The following ZNF148 variants were observed in gnomAD, a reference collection of about 807,000 sequenced individuals.
ZNF148 encodes the protein zinc finger protein 148, also known as Beta-Enolase Repressor Factor-1.
Under a neutral mutation model 67.7 loss-of-function variants are expected in ZNF148, and 7 were observed. The observed-to-expected ratio is 0.10, with a 90% CI of 0.06 to 0.19. ZNF148 has a LOEUF of 0.19. Ranked by LOEUF, ZNF148 falls within the 10% of genes least tolerant of loss-of-function variation. ZNF148 has a pLI of 1.00. For synonymous variants in ZNF148, 333 were observed against 330.7 expected (o/e 1.01, Z -0.08); for missense variants, 583 against 947.1 (o/e 0.62, Z 5.05).
Position 125,233,730 on chromosome 3 carries a change from A to C in ZNF148, c.996T>G (p.Ala332=), listed in dbSNP as rs1340847667. ...KKSSGMDKES[A]LDKSDLKKDK... ...CTTTTTTCAGGTCAGATTTGTCCAA[A>C]GCACTCTCTTTGTCCATTCCAGATG... Residue 332 remains alanine, a synonymous_variant, in exon 9 of 9, where the codon GCT becomes GCG. Transcript: ENST00000360647. This position sits in a 1 kb window ranked among gnomAD's most constrained non-coding sequence, Gnocchi z 5.1. 1.2e-6 allele frequency: 2 copies of C among 1,613,802 alleles called. No individual in the cohort carries two copies. Among genetic ancestry groups the C allele is most frequent in the South Asian group, 2.2e-5 (2 of 91,052 alleles).
chr3:125,315,221 G>A (rs976341127), intron 3 of ZNF148, among the ~76,000 whole-genome samples: 3 of 151,944 alleles, frequency 2.0e-5, no homozygotes, highest in African/African-American at 7.3e-5. Flanking sequence ...CCATTTATTT[G>A]GAAATCCTTA....
chr3:125,238,639 A>C (rs1429144326), intron 7 of ZNF148, among the ~76,000 whole-genome samples: 2 of 152,194 alleles, frequency 1.3e-5, no homozygotes, highest in African/African-American at 4.8e-5. Context: ...AGGAAAAAAA[A>C]CGCACACACA....
At chr3:125,337,886 G>A (rs1941560590) in intron 1 of ZNF148, among the ~76,000 whole-genome samples, 1 of 152,016 alleles carries the variant, frequency 6.6e-6, no homozygotes, top group African/African-American at 2.4e-5. Flanking sequence ...AGGATCACTT[G>A]AGCCCAGGAG....
rs895743051 is a variant in ZNF148, at chr3:125,226,003, T to C, written c.*6338A>G. On this transcript the variant is annotated 3_prime_UTR_variant, in exon 9 of 9. Transcript: ENST00000360647. Reference sequence around the variant, plus strand: ...GCTAGGGTACTGGCAAGGTGGTAGATGGATGAAAACAAATCTCCACTAATG... The same window carrying C: ...GCTAGGGTACTGGCAAGGTGGTAGACGGATGAAAACAAATCTCCACTAATG... 4.6e-5 allele frequency: 7 copies of C among 152,380 alleles called. No homozygotes were observed. The highest frequency in any genetic ancestry group is 1.3e-4 in the Admixed American group (2 of 15,252). The allele number at this position is 152,380 out of a possible 1,614,324, so 9.4% of individuals were successfully genotyped here. A position where few individuals can be genotyped will look rare whatever the true frequency, so the allele number is the denominator to read the frequency against.
intron 1 of ZNF148, among the ~76,000 whole-genome samples, chr3:125,334,161 C>T (rs1034502482): frequency 7.9e-5 from 12 of 152,238 alleles, no homozygotes; most frequent in Middle Eastern, 3.4e-3. Flanking sequence ...ACCACCCTTC[C>T]GCTATTTAGT....
chr3:125,258,748 A>C (rs962671594), intron 7 of ZNF148, among the ~76,000 whole-genome samples: 2 of 152,206 alleles, frequency 1.3e-5, no homozygotes, highest in African/African-American at 4.8e-5. Flanking sequence ...ATTTTACTTA[A>C]AACAGTCTAA....
Position 125,313,423 on chromosome 3 carries a change from T to C in ZNF148, c.218A>G (p.Asp73Gly). ...CATGAGTTCATCATGTGATATCATA[T>C]CCTGTTGTCTCATTTCACTTTCTTG... ...VLQESEMRQQ[D>G]MISHDELMVH... The change falls in exon 4 of 9, where the codon GAT becomes GGT. Residue 73 changes from aspartate (D) to glycine (G), a missense_variant. This residue lies in a region of ZNF148 where 150 missense variants were observed against 202.5 expected (regional missense o/e 0.74). Coordinates refer to ENST00000360647, the MANE Select transcript of ZNF148 (RefSeq NM_021964.3). 1 of 1,614,158 alleles carries C rather than the reference T, an allele frequency of 6.2e-7. No individual in the cohort carries two copies. The highest frequency in any genetic ancestry group is 1.1e-5 in the South Asian group (1 of 91,080).
chr3:125,258,747 A>C (rs1279554992), intron 7 of ZNF148, among the ~76,000 whole-genome samples: 1 of 152,184 alleles, frequency 6.6e-6, no homozygotes, highest in Non-Finnish European at 1.5e-5. Flanking sequence ...TATTTTACTT[A>C]AAACAGTCTA....
chr3:125,355,491 A>T (rs1184287594), intron 1 of ZNF148, among the ~76,000 whole-genome samples: 1 of 152,226 alleles, frequency 6.6e-6, no homozygotes, highest in Admixed American at 6.5e-5. Context: ...CATTCGATTT[A>T]AAATGTCCAG....
chr3:125,313,636 T>C lies in ZNF148; in HGVS notation c.5A>G (p.Asn2Ser), dbSNP rs1212346068. 2 of 1,611,128 alleles carry C rather than the reference T, an allele frequency of 1.2e-6. No individual in the cohort carries two copies. Among genetic ancestry groups the C allele is most frequent in the East Asian group, 2.2e-5 (1 of 44,806 alleles). The change falls in exon 4 of 9, where the codon AAC becomes AGC. Residue 2 changes from asparagine to serine, a missense_variant. By Grantham distance (46) the Asn-to-Ser change is conservative (BLOSUM62 1). This residue lies in a region of ZNF148 where 150 missense variants were observed against 202.5 expected (regional missense o/e 0.74). Transcript: ENST00000360647. Reference protein sequence around the residue: MNIDDKLEGLFL... With the variant: MSIDDKLEGLFL... Reference sequence around the variant, plus strand: ...CAATCCTTCCAGTTTGTCGTCAATGTTCATGCTTAAGTATAACTGCCTAGA... The same window carrying C: ...CAATCCTTCCAGTTTGTCGTCAATGCTCATGCTTAAGTATAACTGCCTAGA...
chr3:125,368,636 C>T (rs1942772596), intron 1 of ZNF148, among the ~76,000 whole-genome samples: 1 of 152,072 alleles, frequency 6.6e-6, no homozygotes, highest in Non-Finnish European at 1.5e-5. Flanking sequence ...AAGATTATAC[C>T]ATGTATTATT....
intron 1 of ZNF148, among the ~76,000 whole-genome samples, chr3:125,336,273 TAC>T (rs1941489502): frequency 6.6e-6 from 1 of 152,248 alleles, no homozygotes; most frequent in South Asian, 2.1e-4. Flanking sequence ...TAAAAATGCT[TAC>T]AGTCCTTTAG....
intron 7 of ZNF148, among the ~76,000 whole-genome samples, chr3:125,262,453 C>T (rs1481183524): frequency 6.6e-6 from 1 of 152,194 alleles, no homozygotes; most frequent in Non-Finnish European, 1.5e-5. Flanking sequence ...GCTTCTTGTT[C>T]TAACTGATAG....
At chr3:125,290,173 C>G (rs1180583943) in intron 4 of ZNF148, among the ~76,000 whole-genome samples, 1 of 152,174 alleles carries the variant, frequency 6.6e-6, no homozygotes, top group African/African-American at 2.4e-5. Flanking sequence ...TTTGATACTA[C>G]AGAAGCGGTC....
At chr3:125,292,999 T>C (rs9867262) in intron 4 of ZNF148, among the ~76,000 whole-genome samples, 3,328 of 152,304 alleles carry the variant, frequency 0.022, 127 homozygotes, top group African/African-American at 0.074. Flanking sequence ...TTCCCTCTTC[T>C]CACTAAATTT....
intron 7 of ZNF148, among the ~76,000 whole-genome samples, chr3:125,264,672 A>G (rs2107580218): frequency 6.6e-6 from 1 of 152,354 alleles, no homozygotes; most frequent in Admixed American, 6.5e-5. Flanking sequence ...TTCTGTTTAA[A>G]CAACTATTAA....
At chr3:125,323,529 T>C (rs1940876389) in intron 2 of ZNF148, 85 bp from the exon 3 acceptor site, 3 of 521,950 alleles carry the variant, frequency 5.7e-6, no homozygotes, top group Non-Finnish European at 6.7e-6. Flanking sequence ...TTGGTATGAA[T>C]ACTGAAGTGA....
intron 4 of ZNF148, among the ~76,000 whole-genome samples, chr3:125,309,515 A>G (rs1015965807): frequency 6.6e-6 from 1 of 152,190 alleles, no homozygotes; most frequent in Non-Finnish European, 1.5e-5. Flanking sequence ...AACAGAAAAA[A>G]CCCATAGTGG....
chr3:125,236,599 T>C (rs977821981), intron 7 of ZNF148, among the ~76,000 whole-genome samples: 6 of 152,136 alleles, frequency 3.9e-5, no homozygotes, highest in Admixed American at 1.3e-4. Context: ...GGAGAAATGG[T>C]GTCTAAGAAG....
Sources: gnomAD v4.1 joint callset for allele counts (sites outside exome capture counted in the v4.1 genomes callset) on GRCh38, gnomAD v4.1.1 for gene constraint, gnomAD v4.1.1 regional missense constraint, Gnocchi (gnomAD v3.1) non-coding constraint, MANE v1.5 for transcripts, NCBI Gene and HGNC (gene_info 2026-07-23, HGNC 2026-07-21) for gene names.